Variants in CROCC2 observed in about 807,000 individuals in gnomAD.
CROCC2 encodes ciliary rootlet coiled-coil protein 2.
CROCC2 carries 163 observed loss-of-function variants against 177.6 expected under a neutral mutation model. The ratio of observed to expected loss-of-function variants is 0.92; its 90% CI spans 0.81 to 1.05. CROCC2 has a LOEUF of 1.05. Ranked by LOEUF, CROCC2 falls within the 50% of genes least tolerant of loss-of-function variation. The pLI, the probability that CROCC2 is intolerant of heterozygous loss-of-function variation, is 0.00. For missense variants in CROCC2, 1,929 were observed against 1,797.8 expected (o/e 1.07, Z -1.32); for synonymous variants, 904 against 787.3 (o/e 1.15, Z -2.48).
chr2:240,988,198 C>T (rs1196540684), intron 28 of CROCC2, among the ~76,000 whole-genome samples: 1 of 152,134 alleles, frequency 6.6e-6, no homozygotes, highest in African/African-American at 2.4e-5. Flanking sequence ...AAGGAGGGAG[C>T]ACATTGGGGC....
chr2:240,963,231 T>C (rs751716195), intron 20 of CROCC2: 5 of 384,938 alleles, frequency 1.3e-5, no homozygotes, highest in African/African-American at 2.0e-5. Context: ...CAGACACGTG[T>C]GCTGAGCCGC....
chr2:240,909,318 G>C (rs868565643), intron 1 of CROCC2, among the ~76,000 whole-genome samples: 2,329 of 142,090 alleles, frequency 0.016, 58 homozygotes, highest in African/African-American at 0.06. Flanking sequence ...TCCTCCACCT[G>C]GGGTGAGCTC....
In CROCC2 at chr2:240,949,806, AC is replaced by A; in HGVS notation, c.2652+105del. On this transcript the variant is annotated intron_variant, in intron 17 of 31. Coordinates refer to ENST00000690015, the MANE Select transcript of CROCC2 (RefSeq NM_001351305.2). The surrounding 1 kb of genome is among the most constrained non-coding windows in gnomAD (Gnocchi z 4.5). ...GGGCCCTGGGAGACAGAGCTCAGAG[AC>A]ATAGGCGCCTGGCCAGGGCTGGGCA... is the stretch of plus-strand genomic sequence containing the variant. 1 of 1,243,502 alleles carries A rather than the reference AC, an allele frequency of 8.0e-7. No homozygotes were observed. The highest frequency in any genetic ancestry group is 1.1e-6 in the Non-Finnish European group (1 of 907,964). 77.0% of individuals were successfully genotyped at this position (1,243,502 alleles called of 1,614,324 possible). A position where few individuals can be genotyped will look rare whatever the true frequency, so the allele number is the denominator to read the frequency against.
In CROCC2 at chr2:240,953,607, C is replaced by T. The variant is rs76112656; in HGVS notation, c.2830-2252C>T. ...TTTCCCAGGACCTCTGCTTGGCCAG[C>T]TGCCCTTTATTCTTGGCGGCCTGTG... On this transcript the variant is annotated intron_variant, in intron 18 of 31. Coordinates refer to ENST00000690015, the MANE Select transcript of CROCC2 (RefSeq NM_001351305.2). This position sits in a 1 kb window ranked among gnomAD's most constrained non-coding sequence, Gnocchi z 4.0. Among the ~76,000 whole-genome samples the T allele has an allele frequency of 0.014, 2,067 of 152,248 alleles. 88 individuals are homozygous for T. In the East Asian group the frequency reaches 0.15, roughly 11 times the overall value.
rs961915806 is a variant in CROCC2 at position 240,918,801 on chromosome 2, C to A, written c.154C>A (p.Gln52Lys). Residue 52 changes from glutamine to lysine, a missense_variant, in exon 2 of 32, where the codon CAG (glutamine) becomes AAG (lysine). Gln to Lys is a moderately conservative substitution (Grantham distance 53). Coordinates refer to ENST00000690015, the MANE Select transcript of CROCC2 (RefSeq NM_001351305.2). This position sits in a 1 kb window ranked among gnomAD's most constrained non-coding sequence, Gnocchi z 6.3. ...GCTGACCGTGCGTGGGGAAGGCCGG[C>A]AGGCCTCGCCCACCCCCGTGCCCAC... Reference protein sequence around the residue: ...RALTVRGEGRQASPTPVPTRI... With the variant: ...RALTVRGEGRKASPTPVPTRI... 5 of 603,412 alleles carry A rather than the reference C, an allele frequency of 8.3e-6. No individual in the cohort carries two copies. In the Admixed American group the frequency reaches 1.2e-4, roughly 15 times the overall value. 37.4% of individuals were successfully genotyped at this position (603,412 alleles called of 1,614,324 possible).
At chr2:240,933,945 C>A (rs962358034) in intron 11 of CROCC2, 93 bp downstream of exon 11, 1 of 1,330,850 alleles carries the variant, frequency 7.5e-7, no homozygotes, top group Non-Finnish European at 1.0e-6. Context: ...CACGGGTCTG[C>A]TTTTTCACCT....
rs746940562 is a variant in CROCC2 at position 240,932,375 on chromosome 2, G to A, written c.1005G>A (p.Ala335=). 52 of 717,384 alleles carry A rather than the reference G, an allele frequency of 7.2e-5. No individual in the cohort carries two copies. Among genetic ancestry groups the A allele is most frequent in the South Asian group, 6.8e-4 (46 of 67,610 alleles). The allele number at this position is 717,384 out of a possible 1,614,324, so 44.4% of individuals were successfully genotyped here. Reference sequence around the variant, plus strand: ...TTACAGAGCAGAATGAGCAGAAGGCGAAGACCATCGCTGCCCTCAGAACCG... The same window carrying A: ...TTACAGAGCAGAATGAGCAGAAGGCAAAGACCATCGCTGCCCTCAGAACCG... The part of the protein sequence containing the change: ...EKLTEQNEQK[A]KTIAALRTDL... The change falls in exon 8 of 32, where the codon GCG becomes GCA. Residue 335 remains alanine (A), a synonymous_variant. Coordinates refer to ENST00000690015, the MANE Select transcript of CROCC2 (RefSeq NM_001351305.2).
rs923037659 is a variant in CROCC2, at chr2:240,930,957, C to T, written c.776C>T (p.Thr259Met). The stretch of plus-strand genomic sequence containing the variant: ...GGCCTCGCTGACCTGCAGGCAGACA[C>T]GGCCAGGACAGCCCGCCGCCTGCAC... Reference protein sequence around the residue: ...ERGLADLQADTARTARRLHTA... With the variant: ...ERGLADLQADMARTARRLHTA... The change falls in exon 7 of 32, where the codon ACG becomes ATG. Residue 259 changes from threonine to methionine, a missense_variant. By Grantham distance (81) the Thr-to-Met change is moderately conservative (BLOSUM62 -1). Coordinates refer to ENST00000690015, the MANE Select transcript of CROCC2 (RefSeq NM_001351305.2). 4.5e-5 allele frequency: 32 copies of T among 714,234 alleles called. No individual in the cohort carries two copies. The highest frequency in any genetic ancestry group is 2.1e-4 in the East Asian group (8 of 37,266). The allele number at this position is 714,234 out of a possible 1,614,324, so 44.2% of individuals were successfully genotyped here.
chr2:240,944,405 C>T (rs747704252), intron 14 of CROCC2, among the ~76,000 whole-genome samples: 1 of 152,170 alleles, frequency 6.6e-6, no homozygotes, highest in South Asian at 2.1e-4. Context: ...TGTGCCCTCT[C>T]ATCTCCTTTT....
intron 3 of CROCC2, among the ~76,000 whole-genome samples, chr2:240,920,797 C>T (rs919894934): frequency 4.6e-5 from 7 of 152,116 alleles, no homozygotes; most frequent in South Asian, 2.1e-4. Context: ...ACAGGGAAAC[C>T]GAGGCAGAAA....
chr2:240,956,037 C>A, intron 19 of CROCC2, 65 bp downstream of exon 19: 18 of 1,192,510 alleles, frequency 1.5e-5, no homozygotes, highest in Non-Finnish European at 2.2e-5. Flanking sequence ...CAGGGGGCCA[C>A]CCCTCCTGCC....
At chr2:240,907,791 C>A (rs2059266261) in intron 1 of CROCC2, among the ~76,000 whole-genome samples, 1 of 140,758 alleles carries the variant, frequency 7.1e-6, no homozygotes, top group Non-Finnish European at 1.6e-5. Context: ...CCTCCTCCAC[C>A]TGGGGTGAGC....
chr2:240,966,297 G>A lies in CROCC2; in HGVS notation c.4034G>A (p.Arg1345Gln), dbSNP rs2059683928. The change falls in exon 25 of 32, where the codon CGA (arginine) becomes CAA (glutamine). Residue 1345 changes from arginine to glutamine, a missense_variant. Transcript: ENST00000690015. The part of the protein sequence containing the change: ...SPPARPHSPL[R>Q]WPSPTPGGRS... ...CCAGCCAGGCCCCACTCGCCCCTCCGATGGCCCTCGCCCACACCCGGAGGC... is the reference window on the plus strand; with the variant it reads ...CCAGCCAGGCCCCACTCGCCCCTCCAATGGCCCTCGCCCACACCCGGAGGC... 2 of 446,038 alleles carry A rather than the reference G, an allele frequency of 4.5e-6. No homozygotes were observed. Among genetic ancestry groups the A allele is most frequent in the Non-Finnish European group, 7.5e-6 (2 of 266,988 alleles). 27.6% of individuals were successfully genotyped at this position (446,038 alleles called of 1,614,324 possible). A position where few individuals can be genotyped will look rare whatever the true frequency, so the allele number is the denominator to read the frequency against.
Position 240,935,602 on chromosome 2 carries a change from C to T in CROCC2, c.2169+14C>T. ...CAGGTGGGCCAGGTGAGGACGTCTG[C>T]AGGGCATGCTGCCGCCGTCTGGGAT... On this transcript the variant is annotated intron_variant, in intron 14 of 31. Transcript: ENST00000690015. 7.2e-7 allele frequency: 1 copy of T among 1,384,390 alleles called. No homozygotes were observed. Among genetic ancestry groups the T allele is most frequent in the South Asian group, 1.6e-5 (1 of 61,280 alleles). 85.8% of individuals were successfully genotyped at this position (1,384,390 alleles called of 1,614,324 possible).
chr2:240,939,157 T>C (rs1326651074), intron 14 of CROCC2, among the ~76,000 whole-genome samples: 1 of 152,174 alleles, frequency 6.6e-6, no homozygotes, highest in Non-Finnish European at 1.5e-5. Flanking sequence ...ATGCCCTTTA[T>C]CAGAGTAAGG....
At chr2:240,975,843 C>T (rs1452999755) in intron 27 of CROCC2, among the ~76,000 whole-genome samples, 1 of 151,228 alleles carries the variant, frequency 6.6e-6, no homozygotes, top group Non-Finnish European at 1.5e-5. Flanking sequence ...GATTCTCCTG[C>T]CTCAGCCTCC....
rs71428484 is a variant in CROCC2, at chr2:240,960,864, C to T, written c.3087+1420C>T. Among the ~76,000 whole-genome samples, 18,251 of 141,510 alleles carry T rather than the reference C, an allele frequency of 0.13. 1,491 individuals are homozygous for T. The highest frequency in any genetic ancestry group is 0.19 in the Non-Finnish European group (12,700 of 66,292). 92.8% of individuals were successfully genotyped at this position (141,510 alleles called of 152,430 possible). ...TTTCAACAGATTTCAAAGTCAGGCC[C>T]GGTCAGCGACCACACGGGGAAGCAA... On this transcript the variant is annotated intron_variant, in intron 20 of 31. Coordinates refer to ENST00000690015, the MANE Select transcript of CROCC2 (RefSeq NM_001351305.2). The surrounding 1 kb of genome is among the most constrained non-coding windows in gnomAD (Gnocchi z 5.0).
Position 240,958,570 on chromosome 2 carries a change from A to G in CROCC2, c.2944-731A>G. ...CCAGCTCTGGAGGGAGCCATCCCCCACCAGCCGCCCCCCGCCAGCCGCCTG... is the reference window on the plus strand; with the variant it reads ...CCAGCTCTGGAGGGAGCCATCCCCCGCCAGCCGCCCCCCGCCAGCCGCCTG... On this transcript the variant is annotated intron_variant, in intron 19 of 31. Transcript: ENST00000690015. The surrounding 1 kb of genome is among the most constrained non-coding windows in gnomAD (Gnocchi z 6.7). 1.0e-6 allele frequency: 1 copy of G among 984,864 alleles called. No individual in the cohort carries two copies. Among genetic ancestry groups the G allele is most frequent in the Non-Finnish European group, 1.2e-6 (1 of 829,608 alleles). 61.0% of individuals were successfully genotyped at this position (984,864 alleles called of 1,614,324 possible).
At chr2:240,981,897 C>A (rs542288118) in intron 27 of CROCC2, 3 of 152,210 alleles carry the variant, frequency 2.0e-5, no homozygotes, top group African/African-American at 7.2e-5. Context: ...ATGACGGACG[C>A]CTTGCAATCT....
Sources: allele counts gnomAD v4.1 joint callset (sites outside exome capture counted in the v4.1 genomes callset), GRCh38; gene constraint gnomAD v4.1.1; non-coding constraint Gnocchi (gnomAD v3.1); transcripts MANE v1.5; gene names NCBI Gene and HGNC (gene_info 2026-07-23, HGNC 2026-07-21).